RARB: variants seen among roughly 807,000 people sequenced by gnomAD.
RARB encodes HBV-activated protein.
In RARB, 17 loss-of-function variants were observed where a neutral mutation model predicts 51.9. The observed-to-expected ratio is 0.33, with a 90% CI of 0.22 to 0.49. RARB has a LOEUF of 0.49. Ranked by LOEUF, RARB falls within the 20% of genes least tolerant of loss-of-function variation. RARB has a pLI of 0.99. For synonymous variants in RARB, 215 were observed against 195.4 expected, an observed-to-expected ratio of 1.10 and a Z score of -0.84; for missense variants, 369 against 550.8, an observed-to-expected ratio of 0.67 and a Z score of 3.30.
chr3:25,318,517 T>C (rs933810300), intron 5 of RARB, among the ~76,000 whole-genome samples: 2 of 152,196 alleles, frequency 1.3e-5, no homozygotes, highest in Non-Finnish European at 2.9e-5. Context: ...AGAAAATGAA[T>C]GGCTCGGCCA....
At chr3:25,469,338 GA>G (rs1402660697) in intron 2 of RARB, among the ~76,000 whole-genome samples, 1 of 152,180 alleles carries the variant, frequency 6.6e-6, no homozygotes, top group African/African-American at 2.4e-5. Flanking sequence ...TTTTTAATTG[GA>G]GTGGATAAAC....
At chr3:24,849,533 C>T (rs1366127819) in intron 1 of RARB, among the ~76,000 whole-genome samples, 3 of 152,202 alleles carry the variant, frequency 2.0e-5, no homozygotes, top group Admixed American at 6.5e-5. Context: ...TGATATGTAA[C>T]CTTGTTTTAT....
rs145667514 is a variant in RARB, at chr3:25,513,916, G to C, written c.448+12593G>C. 5.6e-3 allele frequency among the ~76,000 whole-genome samples: 848 copies of C among 152,268 alleles called. 5 individuals are homozygous for C. The highest frequency in any genetic ancestry group is 0.019 in the African/African-American group (809 of 41,548). ...GAAATATTGTATGTTTTCATCTTGA[G>C]CTATTTTTTATTCTGCTTTAAATAG... On this transcript the variant is annotated intron_variant, in intron 3 of 7. Transcript: ENST00000330688.
At chr3:25,203,419 T>C (rs954194719) in intron 5 of RARB, among the ~76,000 whole-genome samples, 1 of 152,240 alleles carries the variant, frequency 6.6e-6, no homozygotes, top group South Asian at 2.1e-4. Flanking sequence ...TTGGAGCATT[T>C]AGCCCATTTA....
chr3:25,313,034 T>C (rs1487633222), intron 5 of RARB, among the ~76,000 whole-genome samples: 1 of 152,260 alleles, frequency 6.6e-6, no homozygotes, highest in Non-Finnish European at 1.5e-5. Flanking sequence ...TCTAGCCATT[T>C]GAATGTGGGC....
intron 2 of RARB, chr3:24,858,792 T>C (rs989004574): frequency 6.6e-6 from 1 of 152,088 alleles, no homozygotes; most frequent in Non-Finnish European, 1.5e-5. Flanking sequence ...TCTAATACTT[T>C]TTGGGAGGCC....
chr3:24,866,720 A>C (rs919537351), intron 2 of RARB, among the ~76,000 whole-genome samples: 1 of 152,128 alleles, frequency 6.6e-6, no homozygotes. Flanking sequence ...CTGCCCAATG[A>C]GTTCTTCTTG....
At chr3:25,562,622 C>G (rs1480981327) in intron 3 of RARB, among the ~76,000 whole-genome samples, 1 of 152,188 alleles carries the variant, frequency 6.6e-6, no homozygotes, top group African/African-American at 2.4e-5. Flanking sequence ...TAAGCCAGAA[C>G]ATTTTCTTTT....
Position 25,577,742 on chromosome 3 carries a change from G to C in RARB, c.610-2804G>C, listed in dbSNP as rs371124228. ...CAGGAAGGCAGCCCGTTGCAGCAGA[G>C]AACCAAACCAGCAGAAGAAAGGGAT... On this transcript the variant is annotated intron_variant, in intron 4 of 7. Transcript: ENST00000330688. 2.5e-4 allele frequency among the ~76,000 whole-genome samples: 38 copies of C among 152,324 alleles called. No homozygotes were observed. In the South Asian group the frequency reaches 7.7e-3, roughly 31 times the overall value.
chr3:25,374,231 A>G (rs769831009), intron 5 of RARB, among the ~76,000 whole-genome samples: 9 of 152,118 alleles, frequency 5.9e-5, no homozygotes, highest in Non-Finnish European at 1.3e-4. Context: ...ACTATGCTCA[A>G]ACCAGGTACC....
intron 4 of RARB, among the ~76,000 whole-genome samples, chr3:25,144,027 A>C (rs1370790755): frequency 6.6e-6 from 1 of 152,182 alleles, no homozygotes; most frequent in Non-Finnish European, 1.5e-5. Flanking sequence ...AGGCCCCAGA[A>C]CAAAATTTTT....
intron 5 of RARB, among the ~76,000 whole-genome samples, chr3:25,295,427 A>T (rs1703892858): frequency 6.6e-6 from 1 of 152,194 alleles, no homozygotes; most frequent in African/African-American, 2.4e-5. Context: ...TTTACCAGAC[A>T]TCAAATCTGC....
intron 2 of RARB, among the ~76,000 whole-genome samples, chr3:25,000,737 G>A (rs1016431558): frequency 1.3e-5 from 2 of 152,088 alleles, no homozygotes; most frequent in African/African-American, 4.8e-5. Flanking sequence ...TCTAAGAGAA[G>A]TGGAGAACAT....
chr3:25,119,558 T>A (rs1461771875), intron 3 of RARB, among the ~76,000 whole-genome samples: 1 of 151,788 alleles, frequency 6.6e-6, no homozygotes, highest in Non-Finnish European at 1.5e-5. Context: ...CATCCATCTT[T>A]CAAATGCAGG....
intron 3 of RARB, among the ~76,000 whole-genome samples, chr3:25,513,897 T>C (rs377241725): frequency 6.6e-6 from 1 of 152,168 alleles, no homozygotes; most frequent in East Asian, 1.9e-4. Flanking sequence ...ACTGGAAATA[T>C]TGTATGTTTT....
chr3:25,461,719 C>T (rs1695195931), intron 2 of RARB, among the ~76,000 whole-genome samples: 1 of 152,086 alleles, frequency 6.6e-6, no homozygotes, highest in Admixed American at 6.5e-5. Flanking sequence ...CATGGCAAAA[C>T]CTCATCTCTA....
intron 3 of RARB, among the ~76,000 whole-genome samples, chr3:25,066,314 G>C (rs895543790): frequency 2.0e-5 from 3 of 152,160 alleles, no homozygotes; most frequent in African/African-American, 7.2e-5. Context: ...TACTCATCAG[G>C]AAAGATTGTG....
chr3:25,166,049 T>A (rs1700555472), intron 4 of RARB, among the ~76,000 whole-genome samples: 1 of 152,064 alleles, frequency 6.6e-6, no homozygotes, highest in African/African-American at 2.4e-5. Context: ...CTATTTAGAT[T>A]TCATCCTCCC....
chr3:25,241,376 C>T (rs760696473), intron 5 of RARB, among the ~76,000 whole-genome samples: 8 of 151,998 alleles, frequency 5.3e-5, no homozygotes, highest in East Asian at 1.9e-4. Context: ...AGTTTTGTTA[C>T]GTAGGTATAC....
Sources: allele counts gnomAD v4.1 joint callset (sites outside exome capture counted in the v4.1 genomes callset), GRCh38; gene constraint gnomAD v4.1.1; transcripts MANE v1.5; gene names NCBI Gene and HGNC (gene_info 2026-07-23, HGNC 2026-07-21).